The following CLSTN2 variants were observed in gnomAD, a reference collection of about 807,000 sequenced individuals.
The protein encoded by CLSTN2 is calsyntenin-2.
In CLSTN2, 48 loss-of-function variants were observed where a neutral mutation model predicts 101.2. That is an observed-to-expected ratio of 0.47 (90% CI 0.38 to 0.60). The LOEUF (loss-of-function observed/expected upper bound fraction) is 0.60. CLSTN2 is among the 20% of genes least tolerant of loss of function. The probability of loss-of-function intolerance (pLI) is 0.00; values close to 1 mark genes in which losing one functional copy is unlikely to be tolerated. For synonymous variants in CLSTN2, 481 were observed against 463.6 expected (o/e 1.04, Z -0.48); for missense variants, 1,160 against 1,238.2 (o/e 0.94, Z 0.95).
Position 140,571,811 on chromosome 3 carries a change from G to A in CLSTN2, c.*5558G>A, listed in dbSNP as rs10755093. The A allele has an allele frequency of 0.5, 76,599 of 152,136 alleles. 24,092 individuals are homozygous for A. The highest frequency in any genetic ancestry group is 0.71 in the Middle Eastern group (210 of 294). The allele number at this position is 152,136 out of a possible 1,614,324, so 9.4% of individuals were successfully genotyped here. A position where few individuals can be genotyped will look rare whatever the true frequency, so the allele number is the denominator to read the frequency against. ...GGAGAGTTGGCTTTACAGGGGCTGT[G>A]GATTAAGAGCCAGGCTTCATTCCAT... On this transcript the variant is annotated 3_prime_UTR_variant, in exon 17 of 17. Coordinates refer to ENST00000458420, the MANE Select transcript of CLSTN2 (RefSeq NM_022131.3).
intron 2 of CLSTN2, among the ~76,000 whole-genome samples, chr3:140,388,538 A>G (rs1357741043): frequency 6.6e-6 from 1 of 152,214 alleles, no homozygotes; most frequent in Non-Finnish European, 1.5e-5. Context: ...AATGGTAATT[A>G]TTATTATACT....
chr3:140,513,004 T>C (rs1267678683), intron 8 of CLSTN2, among the ~76,000 whole-genome samples: 1 of 152,124 alleles, frequency 6.6e-6, no homozygotes, highest in African/African-American at 2.4e-5. Context: ...CAGCTTAAGA[T>C]GCTTTTCAAC....
At chr3:140,203,460 G>GT (rs2010743077) in intron 2 of CLSTN2, among the ~76,000 whole-genome samples, 3 of 127,096 alleles carry the variant, frequency 2.4e-5, no homozygotes, top group African/African-American at 8.9e-5. Flanking sequence ...AGAAAGTGTG[G>GT]GTTTTTTTTT....
chr3:140,401,792 G>C (rs1288324112), intron 2 of CLSTN2, among the ~76,000 whole-genome samples: 1 of 152,192 alleles, frequency 6.6e-6, no homozygotes, highest in Non-Finnish European at 1.5e-5. Context: ...TACTTTAGAG[G>C]TTCATCTATT....
chr3:140,438,431 T>TAAAAA (rs60186664), intron 5 of CLSTN2, among the ~76,000 whole-genome samples: 9,185 of 45,504 alleles, frequency 0.2, 2,391 homozygotes, highest in African/African-American at 0.38. Flanking sequence ...GTCCTTTCAT[T>TAAAAA]AAAAAAAAAA....
At chr3:140,193,033 T>C (rs1046394419) in intron 2 of CLSTN2, among the ~76,000 whole-genome samples, 20 of 151,902 alleles carry the variant, frequency 1.3e-4, no homozygotes, top group African/African-American at 4.6e-4. Context: ...GTTCAAAAGA[T>C]GTATGGGAAT....
At chr3:139,938,403 G>A (rs1002944982) in intron 1 of CLSTN2, among the ~76,000 whole-genome samples, 2 of 152,146 alleles carry the variant, frequency 1.3e-5, no homozygotes, top group African/African-American at 4.8e-5. Context: ...TTAGGGACTC[G>A]AGCAGTTAAT....
chr3:140,372,448 A>G (rs1195236354), intron 2 of CLSTN2, among the ~76,000 whole-genome samples: 1 of 152,118 alleles, frequency 6.6e-6, no homozygotes, highest in East Asian at 1.9e-4. Context: ...GCAGATGATG[A>G]CTTGGGATGA....
chr3:140,187,675 T>C (rs1377202786), intron 2 of CLSTN2, among the ~76,000 whole-genome samples: 1 of 152,206 alleles, frequency 6.6e-6, no homozygotes, highest in African/African-American at 2.4e-5. Flanking sequence ...TTGTTTCTCA[T>C]GTGTAGTGCT....
intron 2 of CLSTN2, among the ~76,000 whole-genome samples, chr3:140,323,441 A>G (rs2087303570): frequency 6.6e-6 from 1 of 152,238 alleles, no homozygotes; most frequent in Non-Finnish European, 1.5e-5. Context: ...ATCTCAACAA[A>G]GGGTTTGTAA....
intron 5 of CLSTN2, among the ~76,000 whole-genome samples, chr3:140,428,097 T>A (rs2088592227): frequency 1.3e-5 from 2 of 152,222 alleles, no homozygotes; most frequent in African/African-American, 2.4e-5. Flanking sequence ...GAGCCCTCCT[T>A]ACAGGGGCAC....
intron 1 of CLSTN2, among the ~76,000 whole-genome samples, chr3:140,126,787 T>C (rs1295169888): frequency 6.6e-6 from 1 of 152,148 alleles, no homozygotes; most frequent in Non-Finnish European, 1.5e-5. Flanking sequence ...ACTGAGAGCC[T>C]GAATTGTGCC....
At chr3:139,980,130 T>A (rs1935890750) in intron 1 of CLSTN2, among the ~76,000 whole-genome samples, 1 of 152,120 alleles carries the variant, frequency 6.6e-6, no homozygotes, top group South Asian at 2.1e-4. Flanking sequence ...TGATAGTCTC[T>A]TTGTTCCCAC....
intron 1 of CLSTN2, among the ~76,000 whole-genome samples, chr3:140,162,105 A>G (rs2010056066): frequency 6.6e-6 from 1 of 152,214 alleles, no homozygotes; most frequent in South Asian, 2.1e-4. Context: ...GGATTTTTAT[A>G]TCTGCTTATA....
chr3:140,412,820 G>A (rs1190486133), intron 4 of CLSTN2, among the ~76,000 whole-genome samples: 2 of 151,996 alleles, frequency 1.3e-5, no homozygotes, highest in Admixed American at 1.3e-4. Flanking sequence ...GAAATCAAAA[G>A]GAAAATATCT....
At chr3:140,349,628 A>G (rs1015243954) in intron 2 of CLSTN2, among the ~76,000 whole-genome samples, 6 of 152,176 alleles carry the variant, frequency 3.9e-5, no homozygotes, top group African/African-American at 2.4e-5. Flanking sequence ...CCAGATCTAA[A>G]ATCTGTGAAT....
intron 1 of CLSTN2, among the ~76,000 whole-genome samples, chr3:139,996,943 A>T (rs1042948976): frequency 6.7e-6 from 1 of 149,894 alleles, no homozygotes; most frequent in Non-Finnish European, 1.5e-5. Flanking sequence ...GCTACTTGGG[A>T]GGCTGAGGCA....
At chr3:140,161,619 G>C (rs2010047896) in intron 1 of CLSTN2, among the ~76,000 whole-genome samples, 3 of 152,072 alleles carry the variant, frequency 2.0e-5, no homozygotes, top group African/African-American at 7.2e-5. Context: ...CCCTAACTGA[G>C]TTAAATCTAA....
intron 1 of CLSTN2, among the ~76,000 whole-genome samples, chr3:140,051,243 C>A (rs1431558154): frequency 6.6e-6 from 1 of 152,228 alleles, no homozygotes; most frequent in Non-Finnish European, 1.5e-5. Context: ...CAGAGAGAGG[C>A]TGTCTGGAGA....
Sources: gnomAD v4.1 joint callset for allele counts (sites outside exome capture counted in the v4.1 genomes callset) on GRCh38, gnomAD v4.1.1 for gene constraint, MANE v1.5 for transcripts, NCBI Gene and HGNC (gene_info 2026-07-23, HGNC 2026-07-21) for gene names.